KCNIP1: variants seen among roughly 807,000 people sequenced by gnomAD.
KCNIP1 encodes potassium voltage-gated channel interacting protein 1, also known as A-type potassium channel modulatory protein KCNIP1.
KCNIP1 carries 18 observed loss-of-function variants against 33.0 expected under a neutral mutation model. That is an observed-to-expected ratio of 0.55 (90% CI 0.38 to 0.81). The LOEUF (loss-of-function observed/expected upper bound fraction) is 0.81. Ranked by LOEUF, KCNIP1 falls within the 30% of genes least tolerant of loss-of-function variation. The probability of loss-of-function intolerance (pLI) is 0.00; values close to 1 mark genes in which losing one functional copy is unlikely to be tolerated. For synonymous variants in KCNIP1, 93 were observed against 98.3 expected (o/e 0.95, Z 0.32); for missense variants, 238 against 271.6 (o/e 0.88, Z 0.87).
chr5:170,361,169 C>A (rs541508740), intron 1 of KCNIP1, among the ~76,000 whole-genome samples: 1 of 152,234 alleles, frequency 6.6e-6, no homozygotes, highest in African/African-American at 2.4e-5. Flanking sequence ...GGTTCTTCCC[C>A]GTTGTCCACC....
chr5:170,441,779 G>A (rs115818775), intron 1 of KCNIP1, among the ~76,000 whole-genome samples: 3,270 of 151,858 alleles, frequency 0.022, 105 homozygotes, highest in Admixed American at 0.083. Flanking sequence ...GTGAAGCCCC[G>A]TCTGTACTAA....
intron 1 of KCNIP1, among the ~76,000 whole-genome samples, chr5:170,549,763 G>A (rs2113408087): frequency 6.6e-6 from 1 of 152,280 alleles, no homozygotes; most frequent in South Asian, 2.1e-4. Flanking sequence ...CTGCAATAAA[G>A]AAGCCTATTT....
At chr5:170,562,240 G>C (rs1293413535) in intron 1 of KCNIP1, among the ~76,000 whole-genome samples, 1 of 152,204 alleles carries the variant, frequency 6.6e-6, no homozygotes. Flanking sequence ...AGACAGAGAG[G>C]CAGAGGGAAT....
chr5:170,455,676 C>T (rs1756354454), intron 1 of KCNIP1, among the ~76,000 whole-genome samples: 1 of 152,192 alleles, frequency 6.6e-6, no homozygotes, highest in Admixed American at 6.5e-5. Flanking sequence ...TAGAAATTAA[C>T]ATACCCATAA....
At chr5:170,598,516 C>G (rs1758546889) in intron 1 of KCNIP1, among the ~76,000 whole-genome samples, 1 of 152,140 alleles carries the variant, frequency 6.6e-6, no homozygotes, top group Non-Finnish European at 1.5e-5. Flanking sequence ...GGTACCTACC[C>G]TGTGAGTATA....
At chr5:170,662,566 G>C (rs971959946) in intron 1 of KCNIP1, among the ~76,000 whole-genome samples, 8 of 152,172 alleles carry the variant, frequency 5.3e-5, no homozygotes, top group Admixed American at 2.0e-4. Flanking sequence ...AACAGGCCTG[G>C]AGTGGAGGAG....
intron 1 of KCNIP1, among the ~76,000 whole-genome samples, chr5:170,662,404 T>C (rs1761534373): frequency 6.6e-6 from 1 of 152,194 alleles, no homozygotes; most frequent in South Asian, 2.1e-4. Flanking sequence ...CAGCCCTGAG[T>C]CCACCAAAGC....
intron 1 of KCNIP1, among the ~76,000 whole-genome samples, chr5:170,664,291 G>C (rs10039227): frequency 0.097 from 14,705 of 152,148 alleles, 1,326 homozygotes; most frequent in African/African-American, 0.24. Flanking sequence ...GGTCATCTTA[G>C]ATGTCACTTC....
intron 1 of KCNIP1, among the ~76,000 whole-genome samples, chr5:170,359,752 T>C (rs1184196926): frequency 6.6e-6 from 1 of 152,154 alleles, no homozygotes; most frequent in African/African-American, 2.4e-5. Context: ...TCACCACCCT[T>C]GCCCCTCTGC....
chr5:170,608,543 A>G (rs1561715377), intron 1 of KCNIP1, among the ~76,000 whole-genome samples: 1 of 152,204 alleles, frequency 6.6e-6, no homozygotes, highest in East Asian at 1.9e-4. Context: ...AGGCCGAGGC[A>G]TGTGGATCAT....
chr5:170,411,909 C>T (rs1278642504), intron 1 of KCNIP1, among the ~76,000 whole-genome samples: 2 of 152,120 alleles, frequency 1.3e-5, no homozygotes, highest in East Asian at 3.9e-4. Flanking sequence ...TCAAGGAAGG[C>T]TCCCAGGGTA....
chr5:170,669,473 A>G, intron 1 of KCNIP1: 1 of 959,022 alleles, frequency 1.0e-6, no homozygotes, highest in African/African-American at 1.8e-5. Flanking sequence ...AGTGGTATTT[A>G]ATAAATATTC....
At chr5:170,568,648 T>TGAAAAAA (rs1757286265) in intron 1 of KCNIP1, among the ~76,000 whole-genome samples, 2 of 43,714 alleles carry the variant, frequency 4.6e-5, no homozygotes, top group Non-Finnish European at 9.2e-5. Context: ...CCGTTTCTAC[T>TGAAAAAA]AAAAAAAAAA....
intron 1 of KCNIP1, among the ~76,000 whole-genome samples, chr5:170,603,050 A>G (rs1758760019): frequency 6.6e-6 from 1 of 152,204 alleles, no homozygotes. Flanking sequence ...GGCCCCAGCT[A>G]AGGCTGGTGC....
chr5:170,355,822 C>T (rs1031514437), intron 1 of KCNIP1, among the ~76,000 whole-genome samples: 1 of 152,224 alleles, frequency 6.6e-6, no homozygotes, highest in African/African-American at 2.4e-5. Flanking sequence ...GGGACCTGGC[C>T]TTCCTGTGAA....
At chr5:170,437,879 A>C (rs1025525957) in intron 1 of KCNIP1, among the ~76,000 whole-genome samples, 2 of 152,190 alleles carry the variant, frequency 1.3e-5, no homozygotes, top group Non-Finnish European at 2.9e-5. Flanking sequence ...CTGGGCCATC[A>C]GCACATGACC....
At chr5:170,356,815 C>T (rs548861903) in intron 1 of KCNIP1, among the ~76,000 whole-genome samples, 2 of 152,310 alleles carry the variant, frequency 1.3e-5, no homozygotes, top group East Asian at 3.9e-4. Context: ...GAGATGACCC[C>T]TGGTACAGGA....
intron 1 of KCNIP1, among the ~76,000 whole-genome samples, chr5:170,366,245 A>G (rs1211955310): frequency 1.3e-5 from 2 of 152,302 alleles, no homozygotes; most frequent in Non-Finnish European, 2.9e-5. Context: ...TCTCCTACGG[A>G]TGAAAAAATA....
intron 1 of KCNIP1, chr5:170,383,767 TG>T (rs756228892): frequency 6.2e-7 from 1 of 1,614,164 alleles, no homozygotes; most frequent in Non-Finnish European, 8.5e-7. Flanking sequence ...GCATGGGTAC[TG>T]GGGCACCTTC....
Sources: gnomAD v4.1 joint callset for allele counts (sites outside exome capture counted in the v4.1 genomes callset) on GRCh38, gnomAD v4.1.1 for gene constraint, MANE v1.5 for transcripts, NCBI Gene and HGNC (gene_info 2026-07-23, HGNC 2026-07-21) for gene names.